Variants in APOL1 observed in about 807,000 individuals in gnomAD.
The protein encoded by APOL1 is apolipoprotein L 1.
Under a neutral mutation model 14.9 loss-of-function variants are expected in APOL1, and 17 were observed. That is an observed-to-expected ratio of 1.14 (90% CI 0.78 to 1.71). The LOEUF (loss-of-function observed/expected upper bound fraction) is 1.71, where lower values mean the gene tolerates loss of function less well. Ranked by LOEUF, APOL1 falls within the 40% of genes most tolerant of loss-of-function variation. APOL1 has a pLI of 0.00. For missense variants in APOL1, 523 were observed against 485.9 expected (o/e 1.08, Z -0.72); for synonymous variants, 195 against 184.8 (o/e 1.05, Z -0.45).
intron 4 of APOL1, chr22:36,259,993 G>T: frequency 1.7e-6 from 2 of 1,148,056 alleles, no homozygotes; most frequent in South Asian, 3.3e-5. Flanking sequence ...AGGAGTTTAA[G>T]GAGAATGTCA....
At chr22:36,258,939 T>A (rs1342481633) in intron 4 of APOL1, among the ~76,000 whole-genome samples, 3 of 152,108 alleles carry the variant, frequency 2.0e-5, no homozygotes, top group African/African-American at 7.2e-5. Flanking sequence ...ATTGGCCACT[T>A]CCTGTTTGTC....
Position 36,266,001 on chromosome 22 carries a change from TATA to T in APOL1, c.1167_1169del (p.Tyr389_Lys390delinsTer), listed in dbSNP as rs770871933. 1.3e-6 allele frequency: 2 copies of T among 1,590,316 alleles called. No individual in the cohort carries two copies. The highest frequency in any genetic ancestry group is 3.6e-5 in the African/African-American group (2 of 55,798). ...GAAGCTAAACATTCTCAACAATAAT[TATA>T]AGATTCTGCAGGCGGACCAAGAACT... is the stretch of plus-strand genomic sequence containing the variant. On this transcript the variant is annotated stop_gained and inframe_deletion, in exon 6 of 6. Transcript: ENST00000397278. LOFTEE classifies it low-confidence loss of function (END_TRUNC).
At position 36,265,709 on chromosome 22, in the gene APOL1, C is replaced by T. The variant is rs747082364; in HGVS notation, c.873C>T (p.Ala291=). The T allele has an allele frequency of 1.2e-6, 2 of 1,612,712 alleles. No individual in the cohort carries two copies. The highest frequency in any genetic ancestry group is 1.1e-5 in the South Asian group (1 of 90,894). ...KDIRALRRAR[A]NLQSVPHASA... ...TCCGTGCCCTCAGACGAGCCAGAGC[C>T]AATCTTCAGTCAGTACCGCATGCCT... is the stretch of plus-strand genomic sequence containing the variant. Residue 291 remains alanine (A), a synonymous_variant, in exon 6 of 6, where the codon GCC becomes GCT. Transcript: ENST00000397278.
At chr22:36,261,452 T>A in intron 4 of APOL1, 144 bp from the exon 5 acceptor site, 3 of 833,726 alleles carry the variant, frequency 3.6e-6, no homozygotes, top group East Asian at 2.9e-5. Context: ...GGCACACAAT[T>A]CCCTCTATAG....
intron 5 of APOL1, among the ~76,000 whole-genome samples, chr22:36,264,327 C>T (rs762438447): frequency 6.6e-6 from 1 of 152,154 alleles, no homozygotes; most frequent in Non-Finnish European, 1.5e-5. Flanking sequence ...TATACGGTCC[C>T]GTGGCCAAAT....
At position 36,266,176 on chromosome 22, in the gene APOL1, T is replaced by C; in HGVS notation, c.*143T>C. ...TGCGATCTCAGCTCACTGCAAGCTC[T>C]GCCTCCCGTGTTCAAGCGATTCTCC... On this transcript the variant is annotated 3_prime_UTR_variant, in exon 6 of 6. Transcript: ENST00000397278. The C allele has an allele frequency of 1.1e-6, 1 of 923,734 alleles. No homozygotes were observed. The allele number at this position is 923,734 out of a possible 1,614,324, so 57.2% of individuals were successfully genotyped here.
chr22:36,264,936 T>C (rs1006676312), intron 5 of APOL1, among the ~76,000 whole-genome samples: 2 of 150,926 alleles, frequency 1.3e-5, no homozygotes, highest in African/African-American at 4.9e-5. Flanking sequence ...CTCAGCCTCC[T>C]GAGTAGCTGG....
rs980236580 is a variant in APOL1 at position 36,266,860 on chromosome 22, T to G, written c.*827T>G. 2.5e-5 allele frequency: 6 copies of G among 238,152 alleles called. No individual in the cohort carries two copies. The South Asian group carries it at 5.5e-4, about 22-fold the overall frequency. 14.8% of individuals were successfully genotyped at this position (238,152 alleles called of 1,614,324 possible). A position where few individuals can be genotyped will look rare whatever the true frequency, so the allele number is the denominator to read the frequency against. On this transcript the variant is annotated 3_prime_UTR_variant, in exon 6 of 6. Coordinates refer to ENST00000397278, the MANE Select transcript of APOL1 (RefSeq NM_003661.4). ...GTGGAGCTTGCAGTGAGCCGAGATA[T>G]CGCCACTGCACTCCAGCCTGGGTGA...
intron 5 of APOL1, among the ~76,000 whole-genome samples, chr22:36,262,840 T>C (rs892186904): frequency 6.6e-6 from 1 of 151,806 alleles, no homozygotes. Flanking sequence ...ACCCCTGACA[T>C]TGACAAGCAG....
At chr22:36,255,122 G>A (rs772016209) in intron 2 of APOL1, 123 bp downstream of exon 2, 470 of 1,202,738 alleles carry the variant, frequency 3.9e-4, no homozygotes, top group Non-Finnish European at 4.9e-4. Flanking sequence ...GTCACTTCCC[G>A]GAATTGACCA....
At chr22:36,261,563 C>G in intron 4 of APOL1, 33 bp from the exon 5 acceptor site, 10 of 1,603,098 alleles carry the variant, frequency 6.2e-6, no homozygotes, top group Non-Finnish European at 8.5e-6. Context: ...CCCACACTTT[C>G]CTCCAACCTT....
chr22:36,265,874 GC>G lies in APOL1; in HGVS notation c.1039del (p.Leu347TrpfsTer3), dbSNP rs780133343. The G allele has an allele frequency of 2.5e-6, 4 of 1,614,188 alleles. No homozygotes were observed. The highest frequency in any genetic ancestry group is 3.4e-6 in the Non-Finnish European group (4 of 1,180,040). ...TGGCCCCTGTAAGCTTCTTTCTTGT[GC>G]TGGATGTAGTCTACCTCGTGTACGA... ...DVAPVSFFLV[L>X]DVVYLVYESK... On this transcript the variant is annotated frameshift_variant, in exon 6 of 6. Transcript: ENST00000397278. LOFTEE classifies it low-confidence loss of function (END_TRUNC).
In APOL1 at chr22:36,265,547, A is replaced by G; in HGVS notation, c.711A>G (p.Gln237=). The stretch of plus-strand genomic sequence containing the variant: ...ACTACGGAAAGAAGTGGTGGACACA[A>G]GCCCAAGCCCACGACCTGGTCATCA... ...TMDYGKKWWT[Q]AQAHDLVIKS... is the part of the protein sequence containing the mutation. The change falls in exon 6 of 6, where the codon CAA becomes CAG. Residue 237 remains glutamine, a synonymous_variant. Coordinates refer to ENST00000397278, the MANE Select transcript of APOL1 (RefSeq NM_003661.4). The G allele has an allele frequency of 6.2e-7, 1 of 1,604,792 alleles. No homozygotes were observed. Among genetic ancestry groups the G allele is most frequent in the Non-Finnish European group, 8.5e-7 (1 of 1,175,082 alleles).
chr22:36,257,575 G>C, intron 4 of APOL1, 168 bp downstream of exon 4: 1 of 697,752 alleles, frequency 1.4e-6, no homozygotes. Flanking sequence ...AGGGGTCTGG[G>C]GGTCATCTGC....
At chr22:36,255,791 A>T (rs953777150) in intron 2 of APOL1, among the ~76,000 whole-genome samples, 5 of 150,994 alleles carry the variant, frequency 3.3e-5, no homozygotes, top group African/African-American at 1.2e-4. Context: ...TGAGAAAAGA[A>T]CAATGGTAAT....
intron 4 of APOL1, among the ~76,000 whole-genome samples, chr22:36,257,920 T>A (rs544586327): frequency 6.6e-6 from 1 of 152,320 alleles, no homozygotes; most frequent in Non-Finnish European, 1.5e-5. Context: ...AGCTTCCAGC[T>A]TAACTGGACC....
intron 5 of APOL1, among the ~76,000 whole-genome samples, chr22:36,263,813 C>G (rs534151399): frequency 6.6e-6 from 1 of 152,328 alleles, no homozygotes; most frequent in African/African-American, 2.4e-5. Context: ...TCACAGCCAA[C>G]ACCAGGGTGG....
At chr22:36,257,213 G>T (rs1248783359) in intron 3 of APOL1, 77 bp downstream of exon 3, 1 of 1,608,172 alleles carries the variant, frequency 6.2e-7, no homozygotes, top group African/African-American at 1.3e-5. Context: ...CTTGGTGTTT[G>T]CTTCCACCCC....
chr22:36,257,730 C>G (rs2015936558), intron 4 of APOL1, among the ~76,000 whole-genome samples: 1 of 150,688 alleles, frequency 6.6e-6, no homozygotes, highest in Non-Finnish European at 1.5e-5. Context: ...GAGCAGGGTC[C>G]AGGAGGAGAG....
Sources: gnomAD v4.1 joint callset for allele counts (sites outside exome capture counted in the v4.1 genomes callset) on GRCh38, gnomAD v4.1.1 for gene constraint, MANE v1.5 for transcripts, NCBI Gene and HGNC (gene_info 2026-07-23, HGNC 2026-07-21) for gene names.